The following HDAC9 variants were observed in gnomAD, a reference collection of about 807,000 sequenced individuals.
The protein encoded by HDAC9 is MEF-2 interacting transcription repressor (MITR) protein.
A neutral mutation model predicts 139.4 loss-of-function variants in HDAC9; 41 were observed. The ratio of observed to expected loss-of-function variants is 0.29; its 90% CI spans 0.23 to 0.38. The LOEUF (loss-of-function observed/expected upper bound fraction) is 0.38. Ranked by LOEUF, HDAC9 falls within the 10% of genes least tolerant of loss-of-function variation. The probability of loss-of-function intolerance (pLI) is 1.00; values close to 1 mark genes in which losing one functional copy is unlikely to be tolerated. For synonymous variants in HDAC9, 517 were observed against 476.2 expected, an observed-to-expected ratio of 1.09 and a Z score of -1.12; for missense variants, 1,147 against 1,297.0, an observed-to-expected ratio of 0.88 and a Z score of 1.78.
At chr7:18,874,457 G>T (rs565188843) in intron 21 of HDAC9, 21 bp from the exon 22 acceptor site, 2 of 1,495,390 alleles carry the variant, frequency 1.3e-6, no homozygotes, top group Admixed American at 1.9e-5. Flanking sequence ...ACGTGTGACC[G>T]GTTGCATTTT....
At chr7:18,290,597 C>T (rs1159006368) in intron 1 of HDAC9, 8 of 454,790 alleles carry the variant, frequency 1.8e-5, no homozygotes, top group South Asian at 1.1e-4. Context: ...CTCTGCAAAT[C>T]GTCTTTAATA....
chr7:18,236,608 G>A (rs914493068), intron 2 of HDAC9, among the ~76,000 whole-genome samples: 1 of 152,102 alleles, frequency 6.6e-6, no homozygotes, highest in Non-Finnish European at 1.5e-5. Context: ...AATTTTCTAT[G>A]TACACTCTGG....
intron 1 of HDAC9, among the ~76,000 whole-genome samples, chr7:18,395,765 C>T (rs1366800596): frequency 3.3e-5 from 5 of 152,066 alleles, no homozygotes; most frequent in Admixed American, 3.3e-4. Flanking sequence ...TCTCCCAAGG[C>T]CGTTACCTTA....
intron 22 of HDAC9, among the ~76,000 whole-genome samples, chr7:18,929,888 G>A (rs1373143775): frequency 6.6e-6 from 1 of 151,834 alleles, no homozygotes; most frequent in Non-Finnish European, 1.5e-5. Flanking sequence ...GCAGTGAGCT[G>A]AGATCACGCC....
intron 23 of HDAC9, among the ~76,000 whole-genome samples, chr7:18,941,976 A>G (rs1782058843): frequency 1.3e-5 from 2 of 152,050 alleles, no homozygotes; most frequent in Admixed American, 1.3e-4. Context: ...TAGGTTTTTC[A>G]GAGGGTGTTA....
rs117342405 is a variant in HDAC9, at chr7:18,231,115, C to T, written c.25+68766C>T. On this transcript the variant is annotated intron_variant, in intron 2 of 12. Transcript: ENST00000417496. ...CCTTTGCTGTGGTGATACAGGCTCA[C>T]TTCAGAAAATGTAACATATACTCTT... is the stretch of plus-strand genomic sequence containing the variant. 7.9e-4 allele frequency among the ~76,000 whole-genome samples: 121 copies of T among 152,312 alleles called. 1 individual carries two copies. The highest frequency in any genetic ancestry group is 1.5e-3 in the Non-Finnish European group (99 of 68,016).
intron 2 of HDAC9, chr7:18,517,943 G>A (rs1177642477): frequency 6.6e-6 from 1 of 152,078 alleles, no homozygotes; most frequent in Non-Finnish European, 1.5e-5. Flanking sequence ...AATACAAATG[G>A]TCCCTCTCAT....
intron 12 of HDAC9, among the ~76,000 whole-genome samples, chr7:18,683,830 T>C (rs1782061383): frequency 2.0e-5 from 3 of 152,072 alleles, no homozygotes; most frequent in Non-Finnish European, 4.4e-5. Flanking sequence ...CTACGTGTAA[T>C]TTCTATGATA....
chr7:18,958,290 A>G (rs970901832), intron 24 of HDAC9, among the ~76,000 whole-genome samples: 3 of 152,090 alleles, frequency 2.0e-5, no homozygotes, highest in Admixed American at 1.3e-4. Context: ...GACAAAATGG[A>G]AAAAAAGTTT....
chr7:18,162,368 T>C, intron 2 of HDAC9: 1 of 1,531,258 alleles, frequency 6.5e-7, no homozygotes, highest in African/African-American at 1.4e-5. Flanking sequence ...GGTTGCTTCT[T>C]AAACTGTTAA....
chr7:18,605,301 T>C (rs1835150685), intron 6 of HDAC9, among the ~76,000 whole-genome samples: 1 of 152,184 alleles, frequency 6.6e-6, no homozygotes, highest in Non-Finnish European at 1.5e-5. Context: ...TTCATTTTTT[T>C]AAGTGGGCCT....
At chr7:18,317,224 A>G (rs1189276124) in intron 1 of HDAC9, among the ~76,000 whole-genome samples, 1 of 151,720 alleles carries the variant, frequency 6.6e-6, no homozygotes, top group African/African-American at 2.4e-5. Flanking sequence ...TAATTAAATT[A>G]AAATAAAAAT....
chr7:18,656,639 G>C (rs941393834), intron 11 of HDAC9, among the ~76,000 whole-genome samples: 3 of 152,078 alleles, frequency 2.0e-5, no homozygotes, highest in Non-Finnish European at 2.9e-5. Context: ...TTACATGAGA[G>C]AACATATCTG....
In HDAC9 at chr7:18,445,068, T is replaced by C. The variant is rs184393505; in HGVS notation, c.-41-51194T>C. ...TGAAAAATTCCTGCATAGTGGCCAT[T>C]GTCTGTCTTATAGAAAGGCAGGAGT... On this transcript the variant is annotated intron_variant, in intron 1 of 3. Transcript: ENST00000413509. Among the ~76,000 whole-genome samples, 34 of 152,308 alleles carry C rather than the reference T, an allele frequency of 2.2e-4. No homozygotes were observed. In the East Asian group the frequency reaches 6.6e-3, roughly 29 times the overall value.
At chr7:18,359,755 C>T (rs1277392431) in intron 1 of HDAC9, among the ~76,000 whole-genome samples, 2 of 152,054 alleles carry the variant, frequency 1.3e-5, no homozygotes, top group Non-Finnish European at 2.9e-5. Context: ...ACCACAGGCA[C>T]GCACCACCGT....
chr7:18,991,997 T>C (rs907357243), intron 25 of HDAC9, among the ~76,000 whole-genome samples: 1 of 152,210 alleles, frequency 6.6e-6, no homozygotes, highest in Non-Finnish European at 1.5e-5. Context: ...ATGAAAAATA[T>C]GAGTAAACTA....
At position 18,926,553 on chromosome 7, in the gene HDAC9, A is replaced by T. The variant is rs1804246473; in HGVS notation, c.2804-9256A>T. On this transcript the variant is annotated intron_variant, in intron 22 of 25. Transcript: ENST00000686413. ...ACTCATATCTAATAGAAGTATCAGAATTATGTATAAAACTGTGGCACAGAG... is the reference window on the plus strand; with the variant it reads ...ACTCATATCTAATAGAAGTATCAGATTTATGTATAAAACTGTGGCACAGAG... 3.3e-5 allele frequency among the ~76,000 whole-genome samples: 5 copies of T among 152,214 alleles called. No individual in the cohort carries two copies. In the South Asian group the frequency reaches 1.0e-3, roughly 32 times the overall value.
At chr7:18,367,332 C>T (rs1334820453) in intron 1 of HDAC9, among the ~76,000 whole-genome samples, 10 of 152,004 alleles carry the variant, frequency 6.6e-5, no homozygotes, top group Non-Finnish European at 1.2e-4. Context: ...CTGGGGTCCC[C>T]TGTTCTTCCT....
chr7:18,656,061 T>G (rs1398771886), intron 11 of HDAC9, among the ~76,000 whole-genome samples: 1 of 151,568 alleles, frequency 6.6e-6, no homozygotes, highest in Admixed American at 6.6e-5. Flanking sequence ...TTTTTTTTTT[T>G]GCATATTTTG....
Sources: allele counts gnomAD v4.1 joint callset (sites outside exome capture counted in the v4.1 genomes callset), GRCh38; gene constraint gnomAD v4.1.1; transcripts MANE v1.5; gene names NCBI Gene and HGNC (gene_info 2026-07-23, HGNC 2026-07-21).